ASAP2: variants seen among roughly 807,000 people sequenced by gnomAD.
ASAP2 encodes the protein ArfGAP with SH3 domain, ankyrin repeat and PH domain 2.
In ASAP2, 45 loss-of-function variants were observed where a neutral mutation model predicts 131.4. The ratio of observed to expected loss-of-function variants is 0.34; its 90% CI spans 0.27 to 0.44. The LOEUF (loss-of-function observed/expected upper bound fraction) is 0.44, where lower values mean the gene tolerates loss of function less well. Ranked by LOEUF, ASAP2 falls within the 20% of genes least tolerant of loss-of-function variation. The pLI is 1.00. For missense variants in ASAP2, 1,011 were observed against 1,297.0 expected, an observed-to-expected ratio of 0.78 and a Z score of 3.39; for synonymous variants, 510 against 503.0, an observed-to-expected ratio of 1.01 and a Z score of -0.19.
At chr2:9,293,807 C>G (rs1667976362) in intron 2 of ASAP2, among the ~76,000 whole-genome samples, 1 of 152,092 alleles carries the variant, frequency 6.6e-6, no homozygotes, top group African/African-American at 2.4e-5. Context: ...TAGGCCAGTG[C>G]ACAAAGATTC....
At chr2:9,365,181 C>T (rs775273719) in intron 15 of ASAP2, among the ~76,000 whole-genome samples, 39 of 152,294 alleles carry the variant, frequency 2.6e-4, no homozygotes, top group Non-Finnish European at 4.3e-4. Context: ...CCCTGCACAC[C>T]AGAGTGTCCT....
intron 1 of ASAP2, among the ~76,000 whole-genome samples, chr2:9,210,479 A>G (rs1309799672): frequency 6.6e-6 from 1 of 152,090 alleles, no homozygotes; most frequent in East Asian, 1.9e-4. Context: ...TGGGATTTAC[A>G]TGGGGGGAAG....
chr2:9,256,621 A>G (rs1665182691), intron 1 of ASAP2, among the ~76,000 whole-genome samples: 1 of 152,232 alleles, frequency 6.6e-6, no homozygotes, highest in Admixed American at 6.5e-5. Flanking sequence ...TGTGCAAATC[A>G]GAATTGTCTC....
intron 1 of ASAP2, among the ~76,000 whole-genome samples, chr2:9,229,144 G>T (rs1662976514): frequency 6.6e-6 from 1 of 151,974 alleles, no homozygotes; most frequent in Non-Finnish European, 1.5e-5. Flanking sequence ...CTGTACAGAT[G>T]TGGAGCCCCC....
At position 9,403,353 on chromosome 2, in the gene ASAP2, A is replaced by C. The variant is rs761043247; in HGVS notation, c.*26A>C. The C allele has an allele frequency of 6.2e-7, 1 of 1,607,736 alleles. No individual in the cohort carries two copies. Among genetic ancestry groups the C allele is most frequent in the Admixed American group, 1.7e-5 (1 of 59,884 alleles). On this transcript the variant is annotated 3_prime_UTR_variant, in exon 28 of 28. Transcript: ENST00000281419. ...ATTGCTACTGAACAAAAGCATTAAC[A>C]GTTATGTTCCTGTTTCGTTATTGGT...
At chr2:9,265,740 A>G (rs1665894436) in intron 1 of ASAP2, among the ~76,000 whole-genome samples, 1 of 151,502 alleles carries the variant, frequency 6.6e-6, no homozygotes, top group African/African-American at 2.4e-5. Context: ...TGTGCGTGTA[A>G]TGGATTTAAT....
At position 9,359,004 on chromosome 2, in the gene ASAP2, T is replaced by G. The variant is rs79511504; in HGVS notation, c.1461+115T>G. 1,729 of 1,286,886 alleles carry G rather than the reference T, an allele frequency of 1.3e-3. 21 individuals are homozygous for G. The African/African-American group carries it at 0.023, about 17-fold the overall frequency. 79.7% of individuals were successfully genotyped at this position (1,286,886 alleles called of 1,614,324 possible). A position where few individuals can be genotyped will look rare whatever the true frequency, so the allele number is the denominator to read the frequency against. On this transcript the variant is annotated intron_variant, in intron 15 of 27. Coordinates refer to ENST00000281419, the MANE Select transcript of ASAP2 (RefSeq NM_003887.3). ...AGTGGTTGTTGATATGTTGCCAGATTGGTTTGGATAATTAGAAACTCATTG... is the reference window on the plus strand; with the variant it reads ...AGTGGTTGTTGATATGTTGCCAGATGGGTTTGGATAATTAGAAACTCATTG...
At chr2:9,304,489 A>AG (rs1257063909) in intron 3 of ASAP2, among the ~76,000 whole-genome samples, 2 of 27,596 alleles carry the variant, frequency 7.2e-5, no homozygotes, top group East Asian at 2.1e-3. Context: ...GAGGGGCTGT[A>AG]GGGGGGGTGT....
intron 6 of ASAP2, among the ~76,000 whole-genome samples, chr2:9,326,469 G>T (rs972599515): frequency 2.4e-5 from 3 of 126,510 alleles, no homozygotes; most frequent in Admixed American, 1.5e-4. Context: ...GAGCGGAGAA[G>T]GCGTGAGAAG....
rs1345020831 is a variant in ASAP2 at position 9,207,666 on chromosome 2, C to G, written c.126+436C>G. Among the ~76,000 whole-genome samples the G allele has an allele frequency of 2.0e-5, 3 of 152,060 alleles. No homozygotes were observed. On this transcript the variant is annotated intron_variant, in intron 1 of 27. Coordinates refer to ENST00000281419, the MANE Select transcript of ASAP2 (RefSeq NM_003887.3). This position sits in a 1 kb window ranked among gnomAD's most constrained non-coding sequence, Gnocchi z 4.1. ...GCTCCGAGCTCCCCGCCGCAGCCCC[C>G]GAGCGCCGCAGGGCCCCCACCCTCG...
intron 11 of ASAP2, 22 bp from the exon 12 acceptor site, chr2:9,350,786 G>A: frequency 6.2e-7 from 1 of 1,602,624 alleles, no homozygotes; most frequent in Non-Finnish European, 8.5e-7. Flanking sequence ...AACCTTTTTT[G>A]TTGTTTTTTG....
chr2:9,372,335 G>A (rs1674045634), intron 16 of ASAP2, among the ~76,000 whole-genome samples: 1 of 152,002 alleles, frequency 6.6e-6, no homozygotes, highest in Admixed American at 6.6e-5. Context: ...GAATAAAATG[G>A]GTCTTCCCTT....
At chr2:9,275,087 T>TTTG (rs1553302082) in intron 1 of ASAP2, among the ~76,000 whole-genome samples, 2 of 150,272 alleles carry the variant, frequency 1.3e-5, no homozygotes, top group Non-Finnish European at 3.0e-5. Context: ...TGTCTGTTTT[T>TTTG]TTTTTTTTTT....
chr2:9,328,004 C>CT, intron 7 of ASAP2, 93 bp downstream of exon 7: 1 of 878,674 alleles, frequency 1.1e-6, no homozygotes, highest in Middle Eastern at 3.0e-4. Flanking sequence ...ATAAACACCA[C>CT]TTAGAAGTCT....
chr2:9,277,777 A>G (rs1282933237), intron 1 of ASAP2, among the ~76,000 whole-genome samples: 1 of 152,172 alleles, frequency 6.6e-6, no homozygotes, highest in Non-Finnish European at 1.5e-5. Flanking sequence ...GGCTTGGACA[A>G]ATGTATAATG....
intron 1 of ASAP2, among the ~76,000 whole-genome samples, chr2:9,257,874 T>G (rs546776430): frequency 5.3e-5 from 8 of 152,216 alleles, no homozygotes; most frequent in Non-Finnish European, 1.0e-4. Context: ...GCATTTTGGT[T>G]TATCCTTACC....
intron 11 of ASAP2, among the ~76,000 whole-genome samples, chr2:9,345,070 C>T (rs1008255335): frequency 2.6e-5 from 4 of 151,488 alleles, no homozygotes; most frequent in African/African-American, 7.3e-5. Context: ...ATCTTCCACT[C>T]CCTAGCAGAG....
rs1672668081 is a variant in ASAP2, at chr2:9,355,907, AG to A, written c.1112-139del. The stretch of plus-strand genomic sequence containing the variant: ...GGCAGACATTTGGAGGATATGAGGG[AG>A]TGCCTGATTTTATACAAATCAGTAA... On this transcript the variant is annotated intron_variant, in intron 12 of 27. Transcript: ENST00000281419. 4 of 979,134 alleles carry A rather than the reference AG, an allele frequency of 4.1e-6. No individual in the cohort carries two copies. The South Asian group carries it at 6.2e-5, about 15-fold the overall frequency. The allele number at this position is 979,134 out of a possible 1,614,324, so 60.7% of individuals were successfully genotyped here.
Position 9,232,279 on chromosome 2 carries a change from A to G in ASAP2, c.126+25049A>G, listed in dbSNP as rs904717441. 2.0e-5 allele frequency among the ~76,000 whole-genome samples: 3 copies of G among 151,988 alleles called. No individual in the cohort carries two copies. Among genetic ancestry groups the G allele is most frequent in the Non-Finnish European group, 4.4e-5 (3 of 68,020 alleles). On this transcript the variant is annotated intron_variant, in intron 1 of 27. Transcript: ENST00000281419. This position sits in a 1 kb window ranked among gnomAD's most constrained non-coding sequence, Gnocchi z 4.1. Reference sequence around the variant, plus strand: ...TGCCCTGCGCCCGATCCTTTTACACAGGTGGTCCCTCTGTTTGTAGAGTCG... The same window carrying G: ...TGCCCTGCGCCCGATCCTTTTACACGGGTGGTCCCTCTGTTTGTAGAGTCG...
Sources: gnomAD v4.1 joint callset for allele counts (sites outside exome capture counted in the v4.1 genomes callset) on GRCh38, gnomAD v4.1.1 for gene constraint, Gnocchi (gnomAD v3.1) non-coding constraint, MANE v1.5 for transcripts, NCBI Gene and HGNC (gene_info 2026-07-23, HGNC 2026-07-21) for gene names.